The following LINGO2 variants were observed in gnomAD, a reference collection of about 807,000 sequenced individuals.
LINGO2 encodes leucine rich repeat and Ig domain containing 2.
In LINGO2, 14 loss-of-function variants were observed where a neutral mutation model predicts 30.6. The observed-to-expected ratio is 0.46, with a 90% CI of 0.30 to 0.72. The LOEUF (loss-of-function observed/expected upper bound fraction) is 0.72, where lower values mean the gene tolerates loss of function less well. LINGO2 is among the 30% of genes least tolerant of loss of function. The pLI is 0.07. For missense variants in LINGO2, 729 were observed against 751.7 expected (o/e 0.97, Z 0.35); for synonymous variants, 317 against 288.5 (o/e 1.10, Z -1.00).
chr9:28,043,488 T>A (rs1257042866), intron 4 of LINGO2, among the ~76,000 whole-genome samples: 1 of 152,190 alleles, frequency 6.6e-6, no homozygotes, highest in Non-Finnish European at 1.5e-5. Flanking sequence ...GGAAACAAAT[T>A]ACGTAAATGC....
At chr9:28,197,465 T>C (rs13302268) in intron 4 of LINGO2, among the ~76,000 whole-genome samples, 2 of 152,128 alleles carry the variant, frequency 1.3e-5, no homozygotes, top group South Asian at 4.1e-4. Flanking sequence ...TTCAATTCAC[T>C]AGGGAAGGCA....
At chr9:28,996,184 T>C in the LINGO2 span, among the ~76,000 whole-genome samples, 3 of 151,798 alleles carry the variant, frequency 2.0e-5, no homozygotes, top group African/African-American at 7.3e-5. Flanking sequence ...TCTAAGATTA[T>C]GAACTGAATG....
chr9:28,995,763 C>T, the LINGO2 span, among the ~76,000 whole-genome samples: 4 of 151,960 alleles, frequency 2.6e-5, no homozygotes, highest in East Asian at 1.9e-4. Flanking sequence ...AGTAAACTAT[C>T]GCAAGGACAA....
At chr9:28,215,842 C>G (rs938551618) in intron 4 of LINGO2, among the ~76,000 whole-genome samples, 2 of 151,838 alleles carry the variant, frequency 1.3e-5, no homozygotes, top group Admixed American at 1.3e-4. Flanking sequence ...GCAGAGAAAA[C>G]AGACTTAAAT....
chr9:28,886,613 A>G, the LINGO2 span, among the ~76,000 whole-genome samples: 1 of 152,072 alleles, frequency 6.6e-6, no homozygotes, highest in Admixed American at 6.6e-5. Flanking sequence ...CTTTTCTTCC[A>G]ATTTTAAGTA....
chr9:28,575,646 C>T (rs1823937335), intron 1 of LINGO2, among the ~76,000 whole-genome samples: 1 of 151,962 alleles, frequency 6.6e-6, no homozygotes, highest in African/African-American at 2.4e-5. Flanking sequence ...CAGCAATATA[C>T]AATTTACCCA....
intron 4 of LINGO2, among the ~76,000 whole-genome samples, chr9:28,111,086 T>C (rs539699953): frequency 2.6e-5 from 4 of 152,044 alleles, no homozygotes; most frequent in Non-Finnish European, 4.4e-5. Context: ...GTCCTTTGCA[T>C]GGACATGGAT....
At chr9:28,043,383 A>G (rs1368668845) in intron 4 of LINGO2, among the ~76,000 whole-genome samples, 1 of 152,220 alleles carries the variant, frequency 6.6e-6, no homozygotes, top group Non-Finnish European at 1.5e-5. Context: ...TCTTTACTGT[A>G]CACATTGAGG....
intron 4 of LINGO2, among the ~76,000 whole-genome samples, chr9:28,026,289 T>G (rs1363236439): frequency 6.6e-6 from 1 of 152,198 alleles, no homozygotes; most frequent in East Asian, 1.9e-4. Flanking sequence ...TAAAGGCACC[T>G]GGAGGATTCC....
chr9:27,946,696 G>C (rs1354908844), downstream of LINGO2, among the ~76,000 whole-genome samples: 1 of 152,252 alleles, frequency 6.6e-6, no homozygotes, highest in East Asian at 1.9e-4. Context: ...ATTTGTGATA[G>C]AGTTTGCAGC....
chr9:28,617,871 T>C (rs1235074272), intron 1 of LINGO2, among the ~76,000 whole-genome samples: 1 of 152,180 alleles, frequency 6.6e-6, no homozygotes, highest in African/African-American at 2.4e-5. Context: ...TTACACACTT[T>C]CAATTGCTTT....
chr9:27,996,016 G>C (rs532256138), intron 5 of LINGO2, among the ~76,000 whole-genome samples: 1 of 151,966 alleles, frequency 6.6e-6, no homozygotes, highest in South Asian at 2.1e-4. Flanking sequence ...ATTCAGTAAG[G>C]TTGCAGTAAA....
chr9:28,828,861 A>C, the LINGO2 span, among the ~76,000 whole-genome samples: 1 of 152,136 alleles, frequency 6.6e-6, no homozygotes, highest in East Asian at 1.9e-4. Flanking sequence ...CAGCAGTTGT[A>C]ATTTACTTGC....
the LINGO2 span, among the ~76,000 whole-genome samples, chr9:28,691,499 T>C: frequency 6.6e-6 from 1 of 152,116 alleles, no homozygotes; most frequent in African/African-American, 2.4e-5. Context: ...TTATCTTCCA[T>C]GTGCAAGCAA....
intron 4 of LINGO2, among the ~76,000 whole-genome samples, chr9:28,189,529 GAGGGAGGGAGGGAGGGAGGAAGGAAGGA>G (rs1819704549): frequency 9.7e-3 from 6 of 616 alleles, no homozygotes; most frequent in East Asian, 0.1. Flanking sequence ...GGAAGGAAGG[GAGGGAGGGAGGGAGGGAGGAAGGAAGGA>G]AGGGAGGAAG....
chr9:28,245,681 C>G (rs550102577), intron 4 of LINGO2, among the ~76,000 whole-genome samples: 1 of 152,168 alleles, frequency 6.6e-6, no homozygotes, highest in Admixed American at 6.5e-5. Context: ...CATCAATGAA[C>G]TCCCATTCAC....
chr9:28,201,325 G>A lies in LINGO2; in HGVS notation c.-87+93883C>T, dbSNP rs371978910. ...TTCCCACCTATGAGTGAGAATATGC[G>A]GTGTTTGGTTTTTTGTTCTTGCGAT... On this transcript the variant is annotated intron_variant, in intron 4 of 5. Coordinates refer to ENST00000379992, the Ensembl canonical transcript of LINGO2. 6.6e-3 allele frequency among the ~76,000 whole-genome samples: 932 copies of A among 141,814 alleles called. 19 individuals are homozygous for A. Among genetic ancestry groups the A allele is most frequent in the African/African-American group, 0.022 (841 of 37,758 alleles). 93.0% of individuals were successfully genotyped at this position (141,814 alleles called of 152,430 possible).
At chr9:28,957,531 A>G in the LINGO2 span, among the ~76,000 whole-genome samples, 3 of 152,140 alleles carry the variant, frequency 2.0e-5, no homozygotes, top group South Asian at 2.1e-4. Flanking sequence ...ATTATTGTCT[A>G]TCTCTTAAAG....
intron 4 of LINGO2, among the ~76,000 whole-genome samples, chr9:28,197,002 G>A (rs898966865): frequency 6.6e-5 from 10 of 151,920 alleles, no homozygotes; most frequent in African/African-American, 2.4e-4. Context: ...GGTGGCTATA[G>A]TTAACAATAA....
Sources: gnomAD v4.1 joint callset for allele counts (sites outside exome capture counted in the v4.1 genomes callset) on GRCh38, gnomAD v4.1.1 for gene constraint, MANE v1.5 for transcripts, NCBI Gene and HGNC (gene_info 2026-07-23, HGNC 2026-07-21) for gene names.